The following WNK3 variants were observed in gnomAD, a reference collection of about 807,000 sequenced individuals.
WNK3 encodes the protein serine/threonine-protein kinase WNK3.
A neutral mutation model predicts 116.7 loss-of-function variants in WNK3; 18 were observed. The observed-to-expected ratio is 0.15, with a 90% CI of 0.11 to 0.23. The LOEUF (loss-of-function observed/expected upper bound fraction) is 0.23. WNK3 is among the 10% of genes least tolerant of loss of function. The pLI, the probability that WNK3 is intolerant of heterozygous loss-of-function variation, is 1.00. For synonymous variants in WNK3, 404 were observed against 469.4 expected, an observed-to-expected ratio of 0.86 and a Z score of 1.80; for missense variants, 993 against 1,323.8, an observed-to-expected ratio of 0.75 and a Z score of 3.88.
intron 1 of WNK3, among the ~76,000 whole-genome samples, chrX:54,353,402 G>A (rs1320717950): frequency 9.0e-6 from 1 of 110,866 alleles, no homozygotes; most frequent in Non-Finnish European, 1.9e-5. Context: ...AGGTTACAGT[G>A]AGCCAAGATC....
exon 2 of WNK3, chrX:54,333,503 T>A (rs1557174756): frequency 8.3e-7 from 1 of 1,211,330 alleles, no homozygotes. Flanking sequence ...TTCGGAAAAA[T>A]CTCTTCCTTT....
chrX:54,225,485 G>A (rs2067824619), intron 22 of WNK3, among the ~76,000 whole-genome samples: 2 of 108,010 alleles, frequency 1.9e-5, no homozygotes. Context: ...GCCAGGTGTG[G>A]TGGTGCACGT....
chrX:54,238,230 C>T (rs2067984712), intron 19 of WNK3, 112 bp downstream of exon 19: 1 of 947,610 alleles, frequency 1.1e-6, no homozygotes, highest in Non-Finnish European at 1.4e-6. Flanking sequence ...GAAACTCCAT[C>T]TCAAAAAAAA....
intron 17 of WNK3, among the ~76,000 whole-genome samples, chrX:54,246,386 C>T (rs2068074530): frequency 9.2e-6 from 1 of 108,790 alleles, no homozygotes; most frequent in Non-Finnish European, 1.9e-5. Context: ...TATCTGAGAA[C>T]ATAAGGTTTT....
At chrX:54,202,459 G>A (rs782520812) in intron 22 of WNK3, among the ~76,000 whole-genome samples, 5 of 110,719 alleles carry the variant, frequency 4.5e-5, no homozygotes, top group East Asian at 5.6e-4. Context: ...TTGGGAGGCC[G>A]AGGCGGGTGG....
intron 1 of WNK3, chrX:54,343,680 G>C (rs1204412473): frequency 9.4e-6 from 1 of 105,982 alleles, no homozygotes; most frequent in Non-Finnish European, 1.9e-5. Flanking sequence ...TTTTTTTTTT[G>C]AGACAGGGTC....
Position 54,251,663 on chromosome X carries a change from T to C in WNK3, c.2392A>G (p.Ser798Gly), listed in dbSNP as rs138016185. The C allele has an allele frequency of 1.1e-5, 13 of 1,209,352 alleles. No individual in the cohort carries two copies. In the African/African-American group the frequency reaches 1.9e-4, roughly 18 times the overall value. ...TCTTCTACAAATTTTTCTTTCTCAC[T>C]TTCCAGCACAAAGTTATCTTCAACC... The change falls in exon 14 of 24, where the codon AGT becomes GGT. Residue 798 changes from serine to glycine, a missense_variant. Physicochemically the swap from Ser to Gly is moderately conservative, Grantham distance 56. This residue lies in a region of WNK3 where 836 missense variants were observed against 976.5 expected (regional missense o/e 0.86). Transcript: ENST00000354646.
chrX:54,216,292 A>T (rs1055908443), intron 22 of WNK3, among the ~76,000 whole-genome samples: 18 of 99,119 alleles, frequency 1.8e-4, no homozygotes, highest in Non-Finnish European at 3.2e-4. Flanking sequence ...TAAATACTAA[A>T]ATATATATAT....
intron 11 of WNK3, among the ~76,000 whole-genome samples, chrX:54,258,159 T>A (rs781834481): frequency 9.6e-6 from 1 of 104,710 alleles, no homozygotes; most frequent in Admixed American, 1.1e-4. Flanking sequence ...GAGCCTGTAA[T>A]CCCAGCTACT....
chrX:54,250,459 A>G (rs1557153913), intron 15 of WNK3, among the ~76,000 whole-genome samples: 2 of 112,164 alleles, frequency 1.8e-5, no homozygotes, highest in African/African-American at 6.5e-5. Context: ...TGATTATGAT[A>G]GTGCTTATAT....
chrX:54,315,371 C>T (rs2068941555), intron 2 of WNK3, among the ~76,000 whole-genome samples: 1 of 110,505 alleles, frequency 9.0e-6, no homozygotes, highest in Non-Finnish European at 1.9e-5. Context: ...GCCCCTCCCC[C>T]TGACACACTT....
At chrX:54,249,558 T>G (rs782261724) in exon 17 of WNK3, 1 of 1,211,758 alleles carries the variant, frequency 8.3e-7, no homozygotes, top group Admixed American at 2.2e-5. Context: ...AGGTGAAAAG[T>G]GCACGGTGGC....
At chrX:54,330,497 CAGTGA>C (rs1441824857) in intron 2 of WNK3, among the ~76,000 whole-genome samples, 1 of 111,514 alleles carries the variant, frequency 9.0e-6, no homozygotes, top group African/African-American at 3.3e-5. Context: ...GTTAAGGCTT[CAGTGA>C]GCCAAGACAG....
intron 10 of WNK3, among the ~76,000 whole-genome samples, chrX:54,284,735 C>G (rs1463200515): frequency 3.6e-5 from 4 of 111,806 alleles, no homozygotes; most frequent in African/African-American, 1.3e-4. Flanking sequence ...GTTTGGGAGG[C>G]TGAGGCTGGC....
intron 7 of WNK3, among the ~76,000 whole-genome samples, chrX:54,295,053 C>A (rs1053346560): frequency 9.2e-6 from 1 of 108,464 alleles, no homozygotes; most frequent in Non-Finnish European, 1.9e-5. Context: ...CCCGCCACCA[C>A]GCCCAGCTAA....
chrX:54,303,534 CAT>C lies in WNK3; in HGVS notation c.1090-1677_1090-1676del, dbSNP rs1385794301. Among the ~76,000 whole-genome samples, 7 of 110,985 alleles carry C rather than the reference CAT, an allele frequency of 6.3e-5. No individual in the cohort carries two copies. In the Middle Eastern group the frequency reaches 0.014, roughly 221 times the overall value. On this transcript the variant is annotated intron_variant, in intron 5 of 23. Coordinates refer to ENST00000354646, the Ensembl canonical transcript of WNK3. Reference sequence around the variant, plus strand: ...ACGCCTGTCATGCTACCTCAAAAGACATAGAATCAGAAAGCCCAGCATTACAT... The same window carrying C: ...ACGCCTGTCATGCTACCTCAAAAGACAGAATCAGAAAGCCCAGCATTACAT...
intron 5 of WNK3, among the ~76,000 whole-genome samples, chrX:54,307,254 A>T (rs1355831376): frequency 9.1e-6 from 1 of 109,497 alleles, no homozygotes; most frequent in Non-Finnish European, 1.9e-5. Context: ...TTTTAAAAGG[A>T]TTTAAAAAAC....
intron 17 of WNK3, among the ~76,000 whole-genome samples, chrX:54,246,588 T>TATACAAA (rs2068076106): frequency 1.8e-5 from 2 of 111,806 alleles, no homozygotes; most frequent in Non-Finnish European, 3.8e-5. Flanking sequence ...ACAAAAGTGA[T>TATACAAA]ATACAAAATG....
chrX:54,290,275 G>GAA (rs111668722), intron 10 of WNK3, among the ~76,000 whole-genome samples: 1 of 98,275 alleles, frequency 1.0e-5, no homozygotes. Flanking sequence ...GACTCTGTCT[G>GAA]AAAAAAAAAA....
Sources: gnomAD v4.1 joint callset for allele counts (sites outside exome capture counted in the v4.1 genomes callset) on GRCh38, gnomAD v4.1.1 for gene constraint, gnomAD v4.1.1 regional missense constraint, MANE v1.5 for transcripts, NCBI Gene and HGNC (gene_info 2026-07-23, HGNC 2026-07-21) for gene names.